The following HMGXB4 variants were observed in gnomAD, a reference collection of about 807,000 sequenced individuals.
HMGXB4 encodes the protein HMG domain-containing protein 4.
A neutral mutation model predicts 63.9 loss-of-function variants in HMGXB4; 27 were observed. The observed-to-expected ratio is 0.42, with a 90% CI of 0.31 to 0.58. HMGXB4 has a LOEUF of 0.58. Ranked by LOEUF, HMGXB4 falls within the 20% of genes least tolerant of loss-of-function variation. The probability of loss-of-function intolerance (pLI) is 0.13; values close to 1 mark genes in which losing one functional copy is unlikely to be tolerated. For missense variants in HMGXB4, 624 were observed against 700.7 expected (o/e 0.89, Z 1.24); for synonymous variants, 264 against 265.3 (o/e 0.99, Z 0.05).
At chr22:35,284,120 G>A (rs1924429307) in intron 6 of HMGXB4, 77 bp downstream of exon 6, 15 of 1,001,420 alleles carry the variant, frequency 1.5e-5, no homozygotes, top group Non-Finnish European at 2.4e-5. Context: ...TCTTCTTCCT[G>A]TAGCATTAGA....
chr22:35,254,388 AG>A (rs1922305986), upstream of HMGXB4, among the ~76,000 whole-genome samples: 1 of 152,262 alleles, frequency 6.6e-6, no homozygotes, highest in African/African-American at 2.4e-5. Flanking sequence ...TTTTCCAGCA[AG>A]GTACAGAGGA....
chr22:35,293,421 C>G (rs1439904197), intron 10 of HMGXB4, among the ~76,000 whole-genome samples, 186 bp from the exon 11 acceptor site: 1 of 152,168 alleles, frequency 6.6e-6, no homozygotes, highest in Admixed American at 6.5e-5. Context: ...CTCTTTTTTA[C>G]GAGGATTAAT....
At chr22:35,283,919 T>C in intron 5 of HMGXB4, 43 bp from the exon 6 acceptor site, 2 of 1,441,700 alleles carry the variant, frequency 1.4e-6, no homozygotes, top group Non-Finnish European at 2.0e-6. Context: ...AAACCTGGGT[T>C]CTAATCAAGT....
At chr22:35,243,826 G>A in the HMGXB4 span, among the ~76,000 whole-genome samples, 2 of 152,178 alleles carry the variant, frequency 1.3e-5, no homozygotes, top group Non-Finnish European at 2.9e-5. Context: ...TTACAGGTGT[G>A]AGCCACCATG....
intron 6 of HMGXB4, 52 bp from the exon 7 acceptor site, chr22:35,285,945 T>C: frequency 7.5e-7 from 1 of 1,330,928 alleles, no homozygotes; most frequent in Non-Finnish European, 1.0e-6. Context: ...ATCTTCTATT[T>C]TGTTAATAGC....
chr22:35,287,227 CTCTG>C, intron 7 of HMGXB4, 116 bp from the exon 8 acceptor site: 2 of 739,584 alleles, frequency 2.7e-6, no homozygotes, highest in Non-Finnish European at 4.6e-6. Flanking sequence ...AGCATTAACC[CTCTG>C]TCTGCCCGCC....
intron 5 of HMGXB4, among the ~76,000 whole-genome samples, chr22:35,277,271 CTG>C (rs1474081501): frequency 1.3e-5 from 2 of 152,208 alleles, no homozygotes; most frequent in Admixed American, 1.3e-4. Context: ...CAGCCAGAGA[CTG>C]TCATGCCTTC....
At chr22:35,285,784 G>A (rs749545420) in intron 6 of HMGXB4, among the ~76,000 whole-genome samples, 14 of 152,174 alleles carry the variant, frequency 9.2e-5, no homozygotes, top group African/African-American at 1.2e-4. Flanking sequence ...GATGGGTTAC[G>A]AGTTGAGACT....
chr22:35,283,730 T>C (rs533966429), intron 5 of HMGXB4, among the ~76,000 whole-genome samples: 6 of 152,242 alleles, frequency 3.9e-5, no homozygotes, highest in African/African-American at 1.2e-4. Context: ...GCGGAAGTTA[T>C]AGTGAGCCAA....
At chr22:35,264,501 C>G (rs1421060919) in intron 4 of HMGXB4, 147 bp from the exon 5 acceptor site, 2 of 640,938 alleles carry the variant, frequency 3.1e-6, no homozygotes, top group Non-Finnish European at 5.4e-6. Context: ...CATCATTTCT[C>G]AATGTTAGGA....
Position 35,265,779 on chromosome 22 carries a change from T to G in HMGXB4, c.1215+176T>G, listed in dbSNP as rs895872659. 2.6e-5 allele frequency among the ~76,000 whole-genome samples: 4 copies of G among 151,512 alleles called. No homozygotes were observed. In the East Asian group the frequency reaches 7.7e-4, roughly 29 times the overall value. On this transcript the variant is annotated intron_variant, in intron 5 of 10. Coordinates refer to ENST00000216106, the MANE Select transcript of HMGXB4 (RefSeq NM_001003681.3). ...TACCAGTAGCCCAGTCTGTCTGATA[T>G]AGAAGCAATCTTTTTTTTTTTTTTT...
In HMGXB4 at chr22:35,283,958, T is replaced by C. The variant is rs2272789; in HGVS notation, c.1216-4T>C. The C allele has an allele frequency of 0.67, 1,070,975 of 1,608,806 alleles. 362,462 individuals are homozygous for C. The highest frequency in any genetic ancestry group is 0.7 in the Non-Finnish European group (819,815 of 1,175,280). ...ACCCTGTTGTATCTTCTATGCGGCATTAGCCAAAAAAGAAGAACATGTCGG... is the reference window on the plus strand; with the variant it reads ...ACCCTGTTGTATCTTCTATGCGGCACTAGCCAAAAAAGAAGAACATGTCGG... On this transcript the variant is annotated splice_region_variant and splice_polypyrimidine_tract_variant and intron_variant, in intron 5 of 10. Coordinates refer to ENST00000216106, the MANE Select transcript of HMGXB4 (RefSeq NM_001003681.3).
At chr22:35,268,470 C>T (rs1012727622) in intron 5 of HMGXB4, among the ~76,000 whole-genome samples, 4 of 151,978 alleles carry the variant, frequency 2.6e-5, no homozygotes, top group Admixed American at 6.6e-5. Flanking sequence ...TTTATTCTAC[C>T]GTGCAGTTAA....
chr22:35,266,496 T>C (rs571082295), intron 5 of HMGXB4, among the ~76,000 whole-genome samples: 8 of 152,204 alleles, frequency 5.3e-5, no homozygotes, highest in Non-Finnish European at 1.2e-4. Flanking sequence ...GAGCTCACTG[T>C]TGATTAGGGA....
intron 9 of HMGXB4, among the ~76,000 whole-genome samples, chr22:35,290,626 G>A (rs1372387869): frequency 4.2e-4 from 37 of 88,282 alleles, no homozygotes; most frequent in African/African-American, 1.4e-3. Flanking sequence ...GCGAGACTCC[G>A]CCTCAAAAAA....
At chr22:35,284,654 G>A (rs1350815514) in intron 6 of HMGXB4, among the ~76,000 whole-genome samples, 1 of 152,186 alleles carries the variant, frequency 6.6e-6, no homozygotes, top group Non-Finnish European at 1.5e-5. Flanking sequence ...AAAACAGAAT[G>A]GCTGTATGGG....
chr22:35,253,804 G>A (rs1255834723), upstream of HMGXB4, among the ~76,000 whole-genome samples: 1 of 152,158 alleles, frequency 6.6e-6, no homozygotes, highest in Non-Finnish European at 1.5e-5. Flanking sequence ...CAGAGGGCCT[G>A]CTTCTCTCTG....
In HMGXB4 at chr22:35,293,610, A is replaced by G. The variant is rs751196404; in HGVS notation, c.1765A>G (p.Asn589Asp). 6.2e-7 allele frequency: 1 copy of G among 1,610,826 alleles called. No individual in the cohort carries two copies. Among genetic ancestry groups the G allele is most frequent in the Non-Finnish European group, 8.5e-7 (1 of 1,176,980 alleles). ...AACATTTTTCTTTGTTTTGCAGTCA[A>G]ACACATTAGACAACATTGCTTACAT... ...LNGCPKQVLS[N>D]TLDNIAYIMP... The change falls in exon 11 of 11, where the codon AAC becomes GAC. Residue 589 changes from asparagine to aspartate, a missense_variant. Transcript: ENST00000216106.
intron 5 of HMGXB4, among the ~76,000 whole-genome samples, chr22:35,282,032 G>A (rs1034284356): frequency 6.6e-6 from 1 of 152,154 alleles, no homozygotes; most frequent in Admixed American, 6.5e-5. Flanking sequence ...TAGGCAGAGT[G>A]CACGATCGAG....
Sources: allele counts gnomAD v4.1 joint callset (sites outside exome capture counted in the v4.1 genomes callset), GRCh38; gene constraint gnomAD v4.1.1; transcripts MANE v1.5; gene names NCBI Gene and HGNC (gene_info 2026-07-23, HGNC 2026-07-21).